The following PDE7B variants were observed in gnomAD, a reference collection of about 807,000 sequenced individuals.
PDE7B encodes the protein 3',5'-cyclic-AMP phosphodiesterase 7B.
Under a neutral mutation model 56.2 loss-of-function variants are expected in PDE7B, and 29 were observed. The ratio of observed to expected loss-of-function variants is 0.52; its 90% CI spans 0.38 to 0.70. The LOEUF (loss-of-function observed/expected upper bound fraction) is 0.70. Among genes scored for constraint, PDE7B ranks in the 30% least tolerant of loss-of-function variants. The pLI is 0.00. For missense variants in PDE7B, 490 were observed against 565.0 expected (o/e 0.87, Z 1.35); for synonymous variants, 197 against 196.9 (o/e 1.00, Z 0.00).
At chr6:136,187,176 C>T (rs1178940509) in intron 12 of PDE7B, 60 bp downstream of exon 12, 2 of 852,846 alleles carry the variant, frequency 2.3e-6, no homozygotes, top group African/African-American at 3.4e-5. Flanking sequence ...ACAAAAGTGA[C>T]AAAGAAAAGA....
chr6:136,110,113 T>G (rs1399336696), intron 3 of PDE7B, among the ~76,000 whole-genome samples: 1 of 151,878 alleles, frequency 6.6e-6, no homozygotes, highest in Non-Finnish European at 1.5e-5. Flanking sequence ...GTGCAATGTC[T>G]GTTTTTTTTA....
intron 1 of PDE7B, among the ~76,000 whole-genome samples, chr6:135,944,404 GT>G (rs1217538072): frequency 6.6e-6 from 1 of 152,128 alleles, no homozygotes; most frequent in Admixed American, 6.5e-5. Flanking sequence ...AAAGAAACTG[GT>G]TTTTTTCAAG....
intron 2 of PDE7B, among the ~76,000 whole-genome samples, chr6:136,019,528 T>G (rs1360494642): frequency 6.6e-6 from 1 of 152,074 alleles, no homozygotes; most frequent in Non-Finnish European, 1.5e-5. Context: ...CCCTATATAC[T>G]CCATGGTTTG....
At chr6:135,998,805 G>C (rs1379039785) in intron 2 of PDE7B, among the ~76,000 whole-genome samples, 1 of 151,538 alleles carries the variant, frequency 6.6e-6, no homozygotes, top group Non-Finnish European at 1.5e-5. Context: ...TCCTTAAAGT[G>C]ATACTTAGAC....
chr6:135,936,953 ATCTG>A (rs1774431549), intron 1 of PDE7B, among the ~76,000 whole-genome samples: 1 of 152,224 alleles, frequency 6.6e-6, no homozygotes, highest in Non-Finnish European at 1.5e-5. Context: ...AAAGAAATCT[ATCTG>A]ATTGTGAACA....
chr6:136,170,710 GTCT>G (rs1778865113), intron 8 of PDE7B, among the ~76,000 whole-genome samples: 1 of 152,176 alleles, frequency 6.6e-6, no homozygotes, highest in African/African-American at 2.4e-5. Flanking sequence ...CTTGGTGAGA[GTCT>G]TCTTACTAGC....
intron 2 of PDE7B, among the ~76,000 whole-genome samples, chr6:136,003,857 C>T (rs1775720880): frequency 6.6e-6 from 1 of 152,188 alleles, no homozygotes; most frequent in Non-Finnish European, 1.5e-5. Context: ...TTTTATAAGG[C>T]CAGCATCATC....
At chr6:136,014,946 AC>A (rs1775951256) in intron 2 of PDE7B, among the ~76,000 whole-genome samples, 1 of 152,198 alleles carries the variant, frequency 6.6e-6, no homozygotes. Context: ...AAGCTTAAAT[AC>A]CCTATGAGAG....
chr6:135,912,486 T>C (rs1776229790), intron 1 of PDE7B, among the ~76,000 whole-genome samples: 1 of 152,120 alleles, frequency 6.6e-6, no homozygotes, highest in Non-Finnish European at 1.5e-5. Flanking sequence ...ATCTGCAGAT[T>C]ATGGTATCTG....
At chr6:135,886,187 TAA>T (rs1775706356) in intron 1 of PDE7B, among the ~76,000 whole-genome samples, 1 of 152,078 alleles carries the variant, frequency 6.6e-6, no homozygotes, top group Non-Finnish European at 1.5e-5. Flanking sequence ...AAGGACACCA[TAA>T]GGTGTCCTTA....
intron 1 of PDE7B, among the ~76,000 whole-genome samples, chr6:135,938,696 C>A (rs1043859484): frequency 1.3e-5 from 2 of 152,146 alleles, no homozygotes; most frequent in African/African-American, 4.8e-5. Flanking sequence ...TGCTGCATGA[C>A]TTGGAGAGTG....
At chr6:135,881,130 A>C (rs1463727381) in intron 1 of PDE7B, among the ~76,000 whole-genome samples, 1 of 152,002 alleles carries the variant, frequency 6.6e-6, no homozygotes, top group Non-Finnish European at 1.5e-5. Context: ...CAAGTGCCCT[A>C]TGCTGTTGTA....
At chr6:136,127,299 C>T (rs1411176953) in intron 3 of PDE7B, among the ~76,000 whole-genome samples, 1 of 152,110 alleles carries the variant, frequency 6.6e-6, no homozygotes, top group Non-Finnish European at 1.5e-5. Flanking sequence ...CCCAACATTT[C>T]CCCAATGCCT....
intron 2 of PDE7B, among the ~76,000 whole-genome samples, chr6:136,080,982 C>T (rs1417562967): frequency 6.6e-6 from 1 of 152,122 alleles, no homozygotes; most frequent in Non-Finnish European, 1.5e-5. Flanking sequence ...ATTAGCCACA[C>T]AGTGAAGGTA....
rs559819390 is a variant in PDE7B at position 136,038,287 on chromosome 6, C to G, written c.83-70444C>G. ...CTACCTCCTCTTCTGGGGCACAAGA[C>G]AGAATGCCTGTGCTAGAGCGATATT... On this transcript the variant is annotated intron_variant, in intron 2 of 12. Coordinates refer to ENST00000308191, the MANE Select transcript of PDE7B (RefSeq NM_018945.4). The G allele has an allele frequency of 3.9e-6, 5 of 1,297,080 alleles. No homozygotes were observed. In the East Asian group the frequency reaches 2.7e-4, roughly 70 times the overall value. 80.3% of individuals were successfully genotyped at this position (1,297,080 alleles called of 1,614,324 possible).
Position 136,193,690 on chromosome 6 carries a change from G to A in PDE7B, c.*1850G>A, listed in dbSNP as rs1478516714. ...AACCTGATCCTCATGCTGATAGAAT[G>A]ACAGCTAGCACTTATTTCCTAAGTG... On this transcript the variant is annotated 3_prime_UTR_variant, in exon 13 of 13. Coordinates refer to ENST00000308191, the MANE Select transcript of PDE7B (RefSeq NM_018945.4). 6.6e-6 allele frequency: 1 copy of A among 152,192 alleles called. No individual in the cohort carries two copies. The highest frequency in any genetic ancestry group is 1.5e-5 in the Non-Finnish European group (1 of 68,042). The allele number at this position is 152,192 out of a possible 1,614,324, so 9.4% of individuals were successfully genotyped here. A position where few individuals can be genotyped will look rare whatever the true frequency, so the allele number is the denominator to read the frequency against.
At chr6:135,986,363 C>T (rs1327788887) in intron 2 of PDE7B, among the ~76,000 whole-genome samples, 1 of 152,142 alleles carries the variant, frequency 6.6e-6, no homozygotes, top group Non-Finnish European at 1.5e-5. Context: ...GCCTTTAAAG[C>T]AACTACTAAT....
intron 2 of PDE7B, among the ~76,000 whole-genome samples, chr6:136,077,505 G>C (rs1317209206): frequency 1.3e-5 from 2 of 151,792 alleles, no homozygotes; most frequent in Admixed American, 6.6e-5. Flanking sequence ...GTAAGCCTTA[G>C]AGTGTTAGTT....
At chr6:136,171,470 G>C (rs936681284) in intron 8 of PDE7B, among the ~76,000 whole-genome samples, 1 of 152,148 alleles carries the variant, frequency 6.6e-6, no homozygotes, top group South Asian at 2.1e-4. Context: ...TACCCTGGTG[G>C]TTTGGGCTTA....
Sources: gnomAD v4.1 joint callset for allele counts (sites outside exome capture counted in the v4.1 genomes callset) on GRCh38, gnomAD v4.1.1 for gene constraint, MANE v1.5 for transcripts, NCBI Gene and HGNC (gene_info 2026-07-23, HGNC 2026-07-21) for gene names.